EYA4: variants seen among roughly 807,000 people sequenced by gnomAD.
The protein encoded by EYA4 is protein phosphatase EYA4.
In EYA4, 31 loss-of-function variants were observed where a neutral mutation model predicts 87.9. That is an observed-to-expected ratio of 0.35 (90% confidence interval 0.27 to 0.48). EYA4 has a LOEUF of 0.48. EYA4 is among the 20% of genes least tolerant of loss of function. The pLI, the probability that EYA4 is intolerant of heterozygous loss-of-function variation, is 0.99. For synonymous variants in EYA4, 263 were observed against 270.6 expected, an observed-to-expected ratio of 0.97 and a Z score of 0.28; for missense variants, 678 against 761.4, an observed-to-expected ratio of 0.89 and a Z score of 1.29.
intron 3 of EYA4, among the ~76,000 whole-genome samples, chr6:133,390,816 A>T (rs1332250820): frequency 1.3e-5 from 2 of 152,116 alleles, no homozygotes; most frequent in African/African-American, 2.4e-5. Flanking sequence ...CATTAGAGGG[A>T]TAGAGGAGAA....
intron 2 of EYA4, among the ~76,000 whole-genome samples, chr6:133,308,713 C>T (rs1013054285): frequency 4.6e-5 from 7 of 152,166 alleles, no homozygotes; most frequent in African/African-American, 7.2e-5. Context: ...GGCCTCCAGC[C>T]GCATCCATGT....
rs1792870924 is a variant in EYA4, at chr6:133,446,632, C to G, written c.86C>G (p.Ser29Cys). 1.9e-6 allele frequency: 3 copies of G among 1,613,792 alleles called. No homozygotes were observed. In the African/African-American group the frequency reaches 4.0e-5, roughly 22 times the overall value. The change falls in exon 4 of 20, where the codon TCT (serine) becomes TGT (cysteine). Residue 29 changes from serine to cysteine, a missense_variant and splice_region_variant. Ser to Cys is a moderately radical substitution (Grantham distance 112). Transcript: ENST00000355286. ...SDVSQSQNSRSMEMQDLASPH... is the reference protein window; with the variant it reads ...SDVSQSQNSRCMEMQDLASPH... Reference sequence around the variant, plus strand: ...TCTGCTGCTTACTGCTCTACCAGGTCTATGGAAATGCAGGACCTAGCAAGT... The same window carrying G: ...TCTGCTGCTTACTGCTCTACCAGGTGTATGGAAATGCAGGACCTAGCAAGT...
rs947420025 is a variant in EYA4, at chr6:133,531,785, C to G, written c.*2980C>G. ...CCTTAGTCCGCAATGAGCTAAGATT[C>G]AGAATAGTGTCAACAGCATGCTCCT... On this transcript the variant is annotated 3_prime_UTR_variant, in exon 20 of 20. Coordinates refer to ENST00000355286, the MANE Select transcript of EYA4 (RefSeq NM_004100.5). The G allele has an allele frequency of 6.6e-6, 1 of 152,358 alleles. No individual in the cohort carries two copies. The highest frequency in any genetic ancestry group is 1.5e-5 in the Non-Finnish European group (1 of 68,158). The allele number at this position is 152,358 out of a possible 1,614,324, so 9.4% of individuals were successfully genotyped here. A position where few individuals can be genotyped will look rare whatever the true frequency, so the allele number is the denominator to read the frequency against.
At chr6:133,467,140 A>C (rs1307726295) in intron 10 of EYA4, among the ~76,000 whole-genome samples, 2 of 152,144 alleles carry the variant, frequency 1.3e-5, no homozygotes, top group Non-Finnish European at 2.9e-5. Context: ...GAATATGAAA[A>C]GACATTATAT....
intron 13 of EYA4, among the ~76,000 whole-genome samples, chr6:133,495,215 G>A (rs890845653): frequency 6.6e-6 from 1 of 152,068 alleles, no homozygotes; most frequent in Non-Finnish European, 1.5e-5. Flanking sequence ...GTTGCAGTGA[G>A]CTGAGATGGC....
intron 2 of EYA4, among the ~76,000 whole-genome samples, chr6:133,375,529 TATGTAATAGGAA>T (rs1332948253): frequency 3.3e-5 from 5 of 151,868 alleles, no homozygotes; most frequent in Non-Finnish European, 5.9e-5. Context: ...GGAAAGGACA[TATGTAATAGGAA>T]AGGATATATT....
chr6:133,333,817 C>T (rs1782162144), intron 2 of EYA4, among the ~76,000 whole-genome samples: 1 of 152,040 alleles, frequency 6.6e-6, no homozygotes, highest in African/African-American at 2.4e-5. Flanking sequence ...TGAGTAATAT[C>T]TGATTAGGTT....
At chr6:133,512,844 A>C (rs775085485) in intron 15 of EYA4, 34 bp from the exon 16 acceptor site, 1 of 1,613,412 alleles carries the variant, frequency 6.2e-7, no homozygotes, top group South Asian at 1.1e-5. Context: ...TGCACATGTA[A>C]TTATTTCTTT....
intron 13 of EYA4, among the ~76,000 whole-genome samples, chr6:133,500,856 T>G (rs923263170): frequency 4.6e-5 from 7 of 152,170 alleles, no homozygotes; most frequent in African/African-American, 9.7e-5. Context: ...GTGACTGCTC[T>G]CCTTCTCTGC....
chr6:133,255,889 G>A (rs57502894), intron 1 of EYA4, among the ~76,000 whole-genome samples: 5,204 of 151,564 alleles, frequency 0.034, 264 homozygotes, highest in African/African-American at 0.11. Flanking sequence ...ATGTCTCTTC[G>A]TACATCTGCC....
intron 1 of EYA4, chr6:133,246,792 A>G (rs1026891874): frequency 3.3e-5 from 5 of 152,186 alleles, no homozygotes; most frequent in Admixed American, 1.3e-4. Context: ...TTAAGCATTT[A>G]TATGGATTAG....
At chr6:133,419,903 GC>G (rs1231190807) in intron 3 of EYA4, among the ~76,000 whole-genome samples, 1 of 152,110 alleles carries the variant, frequency 6.6e-6, no homozygotes, top group Admixed American at 6.6e-5. Context: ...TGAATAAGAC[GC>G]CCCACATTTA....
chr6:133,483,220 G>T, intron 13 of EYA4, 105 bp downstream of exon 13: 1 of 802,426 alleles, frequency 1.2e-6, no homozygotes, highest in Non-Finnish European at 2.1e-6. Flanking sequence ...TTTTATTGCA[G>T]TCTGTGAAAT....
chr6:133,418,803 G>A (rs948378543), intron 3 of EYA4, among the ~76,000 whole-genome samples: 5 of 152,194 alleles, frequency 3.3e-5, no homozygotes, highest in African/African-American at 1.2e-4. Context: ...TTTCAGTTTA[G>A]AATACTGTAT....
chr6:133,308,422 A>G (rs1161743939), intron 2 of EYA4, among the ~76,000 whole-genome samples: 1 of 152,206 alleles, frequency 6.6e-6, no homozygotes, highest in Non-Finnish European at 1.5e-5. Context: ...TTTGGGGTAC[A>G]TGTGTAAGTT....
chr6:133,494,269 C>T (rs919417117), intron 13 of EYA4, among the ~76,000 whole-genome samples: 5 of 152,100 alleles, frequency 3.3e-5, no homozygotes, highest in African/African-American at 9.7e-5. Flanking sequence ...TCATTTTTAG[C>T]AACATGGATG....
At chr6:133,411,258 G>A (rs1789207766) in intron 3 of EYA4, among the ~76,000 whole-genome samples, 1 of 152,174 alleles carries the variant, frequency 6.6e-6, no homozygotes, top group African/African-American at 2.4e-5. Flanking sequence ...TGATGAGCAA[G>A]AGACTCCTTG....
intron 2 of EYA4, among the ~76,000 whole-genome samples, chr6:133,355,428 C>T (rs1783941789): frequency 1.3e-5 from 2 of 152,156 alleles, no homozygotes; most frequent in African/African-American, 4.8e-5. Flanking sequence ...ATGGAATTAG[C>T]CTAAATGCCC....
chr6:133,284,410 G>A (rs1483020246), intron 2 of EYA4, among the ~76,000 whole-genome samples: 1 of 152,156 alleles, frequency 6.6e-6, no homozygotes, highest in Non-Finnish European at 1.5e-5. Flanking sequence ...CTGGCCTCAT[G>A]TGATCCACCT....
Sources: gnomAD v4.1 joint callset for allele counts (sites outside exome capture counted in the v4.1 genomes callset) on GRCh38, gnomAD v4.1.1 for gene constraint, MANE v1.5 for transcripts, NCBI Gene and HGNC (gene_info 2026-07-23, HGNC 2026-07-21) for gene names.